Variants in ACVR2B observed in about 807,000 individuals in gnomAD.
ACVR2B encodes activin receptor type-2B.
ACVR2B carries 18 observed loss-of-function variants against 65.1 expected under a neutral mutation model. That is an observed-to-expected ratio of 0.28 (90% CI 0.19 to 0.41). The LOEUF (loss-of-function observed/expected upper bound fraction) is 0.41, where lower values mean the gene tolerates loss of function less well. Ranked by LOEUF, ACVR2B falls within the 10% of genes least tolerant of loss-of-function variation. The pLI is 1.00. For synonymous variants in ACVR2B, 298 were observed against 277.7 expected (o/e 1.07, Z -0.73); for missense variants, 482 against 682.7 (o/e 0.71, Z 3.28).
intron 1 of ACVR2B, chr3:38,459,764 T>C (rs1709610348): frequency 1.3e-6 from 1 of 786,430 alleles, no homozygotes; most frequent in South Asian, 5.8e-5. Context: ...CTTCCTGCTG[T>C]GGACCTGGGG....
chr3:38,469,479 A>G (rs1709785067), intron 1 of ACVR2B, among the ~76,000 whole-genome samples: 2 of 152,214 alleles, frequency 1.3e-5, no homozygotes, highest in African/African-American at 2.4e-5. Flanking sequence ...TTTGTTGACA[A>G]AGAGACTAAA....
At position 38,485,612 on chromosome 3, in the gene ACVR2B, A is replaced by G. The variant is rs17037775; in HGVS notation, c.*2280A>G. On this transcript the variant is annotated 3_prime_UTR_variant, in exon 11 of 11. Coordinates refer to ENST00000352511, the MANE Select transcript of ACVR2B (RefSeq NM_001106.4). The stretch of plus-strand genomic sequence containing the variant: ...AGCTCAGTTTTTGCTTCATGGGTCA[A>G]AATGTGGGCTGGCCAAGTGGTTACA... 9,158 of 149,840 alleles carry G rather than the reference A, an allele frequency of 0.061. 450 individuals are homozygous for G. Among genetic ancestry groups the G allele is most frequent in the East Asian group, 0.19 (974 of 5,074 alleles). 9.3% of individuals were successfully genotyped at this position (149,840 alleles called of 1,614,324 possible).
chr3:38,478,008 C>T (rs531312245), intron 3 of ACVR2B, 38 bp downstream of exon 3: 94 of 1,608,736 alleles, frequency 5.8e-5, no homozygotes, highest in African/African-American at 1.5e-4. Context: ...TTGAGTCAGC[C>T]GACCTGGGCT....
chr3:38,484,178 A>G lies in ACVR2B; in HGVS notation c.*846A>G, dbSNP rs964808638. 4 of 152,578 alleles carry G rather than the reference A, an allele frequency of 2.6e-5. No individual in the cohort carries two copies. Among genetic ancestry groups the G allele is most frequent in the Admixed American group, 2.6e-4 (4 of 15,284 alleles). The allele number at this position is 152,578 out of a possible 1,614,324, so 9.5% of individuals were successfully genotyped here. On this transcript the variant is annotated 3_prime_UTR_variant, in exon 11 of 11. Transcript: ENST00000352511. ...CCTGACTTACCTGCTGGCCCTGACC[A>G]GTTTCTTTTCACTAACTTGGCCTTG... is the stretch of plus-strand genomic sequence containing the variant.
intron 1 of ACVR2B, among the ~76,000 whole-genome samples, chr3:38,463,812 G>A (rs1357168189): frequency 6.6e-6 from 1 of 152,142 alleles, no homozygotes; most frequent in African/African-American, 2.4e-5. Flanking sequence ...TTAAACAACT[G>A]AAATTTCTTT....
intron 1 of ACVR2B, chr3:38,459,584 C>A: frequency 2.0e-6 from 2 of 985,454 alleles, no homozygotes; most frequent in Non-Finnish European, 2.4e-6. Flanking sequence ...CATGCCCCTT[C>A]CCCTGAGTGG....
At chr3:38,456,900 A>G (rs1020312582) in intron 1 of ACVR2B, among the ~76,000 whole-genome samples, 1 of 152,166 alleles carries the variant, frequency 6.6e-6, no homozygotes, top group Non-Finnish European at 1.5e-5. Context: ...ATGAGATGGA[A>G]TGAACTTCAA....
chr3:38,479,347 C>T, intron 6 of ACVR2B, 76 bp downstream of exon 6: 2 of 1,598,004 alleles, frequency 1.3e-6, no homozygotes, highest in Non-Finnish European at 1.7e-6. Flanking sequence ...ATATGATGAC[C>T]CCTTCCCTGT....
At chr3:38,476,199 T>G (rs992677646) in intron 1 of ACVR2B, 3 of 152,198 alleles carry the variant, frequency 2.0e-5, no homozygotes, top group Non-Finnish European at 4.4e-5. Context: ...GACTGGAGGT[T>G]GTTTTGTAGG....
At chr3:38,482,046 ATG>A in intron 8 of ACVR2B, 150 bp from the exon 9 acceptor site, 1 of 908,484 alleles carries the variant, frequency 1.1e-6, no homozygotes, top group Non-Finnish European at 1.8e-6. Flanking sequence ...ACTGTTGTGA[ATG>A]TGGTGAATCG....
At chr3:38,467,582 C>G (rs1709752906) in intron 1 of ACVR2B, among the ~76,000 whole-genome samples, 2 of 113,706 alleles carry the variant, frequency 1.8e-5, no homozygotes, top group African/African-American at 5.2e-5. Context: ...GAGACCCCAT[C>G]TCTACAAAAA....
intron 1 of ACVR2B, among the ~76,000 whole-genome samples, chr3:38,460,089 T>C (rs1486463008): frequency 6.6e-6 from 1 of 152,222 alleles, no homozygotes; most frequent in Non-Finnish European, 1.5e-5. Flanking sequence ...ATCACTGGTA[T>C]GTGAAGTGCT....
At chr3:38,460,905 G>A (rs1046720443) in intron 1 of ACVR2B, among the ~76,000 whole-genome samples, 33 of 152,248 alleles carry the variant, frequency 2.2e-4, no homozygotes, top group Non-Finnish European at 2.9e-5. Context: ...AAGGCTGGTT[G>A]GAAACCCAAG....
rs1376824521 is a variant in ACVR2B at position 38,490,920 on chromosome 3, T to C, written c.*7588T>C. ...TGTTCCTCTTTGAATTCTGCCATTT[T>C]CAGTATTCTTGTGTGTCTGAATAGG... is the stretch of plus-strand genomic sequence containing the variant. On this transcript the variant is annotated 3_prime_UTR_variant, in exon 11 of 11. Coordinates refer to ENST00000352511, the MANE Select transcript of ACVR2B (RefSeq NM_001106.4). 3 of 152,782 alleles carry C rather than the reference T, an allele frequency of 2.0e-5. No homozygotes were observed. The highest frequency in any genetic ancestry group is 7.2e-5 in the African/African-American group (3 of 41,576). The allele number at this position is 152,782 out of a possible 1,614,324, so 9.5% of individuals were successfully genotyped here.
chr3:38,462,456 CA>C lies in ACVR2B; in HGVS notation c.52+8083del, dbSNP rs1355656295. Reference sequence around the variant, plus strand: ...TTCCATTTCAGTCTCTGCCCACACCCACTAAGGTTAACTACTATTCTAACTT... The same window carrying C: ...TTCCATTTCAGTCTCTGCCCACACCCCTAAGGTTAACTACTATTCTAACTT... On this transcript the variant is annotated intron_variant, in intron 1 of 10. Coordinates refer to ENST00000352511, the MANE Select transcript of ACVR2B (RefSeq NM_001106.4). Among the ~76,000 whole-genome samples, 8 of 152,184 alleles carry C rather than the reference CA, an allele frequency of 5.3e-5. No homozygotes were observed. In the South Asian group the frequency reaches 1.0e-3, roughly 20 times the overall value.
In ACVR2B at chr3:38,482,169, A is replaced by G. The variant is rs368044147; in HGVS notation, c.1075-29A>G. 214 of 1,613,732 alleles carry G rather than the reference A, an allele frequency of 1.3e-4. No individual in the cohort carries two copies. The African/African-American group carries it at 2.6e-3, about 19-fold the overall frequency. The stretch of plus-strand genomic sequence containing the variant: ...CTGTGTGTGTATGGCCAGTCACTGT[A>G]AATCCTGCCCTCCTCTGTCCTCACA... On this transcript the variant is annotated intron_variant, in intron 8 of 10. Transcript: ENST00000352511.
At chr3:38,482,359 G>C in intron 9 of ACVR2B, 23 bp downstream of exon 9, 1 of 1,609,876 alleles carries the variant, frequency 6.2e-7, no homozygotes, top group South Asian at 1.1e-5. Context: ...GCAGCCCTGG[G>C]CATCCTAGAT....
Position 38,483,366 on chromosome 3 carries a change from G to A in ACVR2B, c.*34G>A. The stretch of plus-strand genomic sequence containing the variant: ...CATGAGTGTCTGTCCAGACTCAGTG[G>A]ATCTGAAGAAAAAAGGAAAAAAAGT... On this transcript the variant is annotated 3_prime_UTR_variant, in exon 11 of 11. Coordinates refer to ENST00000352511, the MANE Select transcript of ACVR2B (RefSeq NM_001106.4). This position sits in a 1 kb window ranked among gnomAD's most constrained non-coding sequence, Gnocchi z 4.8. 1 of 1,611,740 alleles carries A rather than the reference G, an allele frequency of 6.2e-7. No homozygotes were observed. The highest frequency in any genetic ancestry group is 1.3e-5 in the African/African-American group (1 of 74,854).
At chr3:38,467,627 T>A (rs1224431272) in intron 1 of ACVR2B, among the ~76,000 whole-genome samples, 1 of 151,712 alleles carries the variant, frequency 6.6e-6, no homozygotes, top group Non-Finnish European at 1.5e-5. Flanking sequence ...GCATTGCACC[T>A]GTAAGTCCGA....
Sources: allele counts gnomAD v4.1 joint callset (sites outside exome capture counted in the v4.1 genomes callset), GRCh38; gene constraint gnomAD v4.1.1; non-coding constraint Gnocchi (gnomAD v3.1); transcripts MANE v1.5; gene names NCBI Gene and HGNC (gene_info 2026-07-23, HGNC 2026-07-21).